CYP26B1: variants seen among roughly 807,000 people sequenced by gnomAD.
CYP26B1 encodes cytochrome P450 26B1.
In CYP26B1, 8 loss-of-function variants were observed where a neutral mutation model predicts 39.1. That is an observed-to-expected ratio of 0.20 (90% CI 0.12 to 0.37). The LOEUF is 0.37. Among genes scored for constraint, CYP26B1 ranks in the 10% least tolerant of loss-of-function variants. The pLI is 1.00. For missense variants in CYP26B1, 615 were observed against 707.0 expected, an observed-to-expected ratio of 0.87 and a Z score of 1.48; for synonymous variants, 321 against 314.3, an observed-to-expected ratio of 1.02 and a Z score of -0.23.
chr2:72,143,457 C>A (rs1291428071), intron 2 of CYP26B1, among the ~76,000 whole-genome samples: 1 of 141,700 alleles, frequency 7.1e-6, no homozygotes, highest in South Asian at 2.5e-4. Context: ...CAGACCCGTG[C>A]GCTCCGCTGC....
Position 72,144,205 on chromosome 2 carries a change from G to T in CYP26B1, c.213C>A (p.Gly71=). The change falls in exon 2 of 6, where the codon GGC becomes GGA. Residue 71 remains glycine, a synonymous_variant. Transcript: ENST00000001146. The part of the protein sequence containing the change: ...ETGHWLLQGS[G]FQSSRREKYG... ...ACTTCTCCCTCCGCGACGACTGGAA[G>T]CCAGAACCCTGCGGGAGCCACACCC... 7.5e-6 allele frequency: 12 copies of T among 1,590,432 alleles called. No individual in the cohort carries two copies. The highest frequency in any genetic ancestry group is 8.6e-6 in the Non-Finnish European group (10 of 1,163,042).
rs752316199 is a variant in CYP26B1 at position 72,132,305 on chromosome 2, G to A, written c.1461C>T (p.Ser487=). Residue 487 remains serine (S), a synonymous_variant, in exon 6 of 6, where the codon AGC becomes AGT. Transcript: ENST00000001146. ...TGGAGTCCAGGCCAAAGAACTTGAC[G>A]CTGAGGCCATCCACGGGGTGCAGGA... ...VPVLHPVDGL[S]VKFFGLDSNQ... is the part of the protein sequence containing the mutation. 3.7e-6 allele frequency: 6 copies of A among 1,607,354 alleles called. No homozygotes were observed. In the South Asian group the frequency reaches 4.5e-5, roughly 12 times the overall value.
intron 2 of CYP26B1, 150 bp from the exon 3 acceptor site, chr2:72,135,569 G>T (rs1341055494): frequency 1.1e-5 from 13 of 1,173,832 alleles, no homozygotes; most frequent in African/African-American, 1.5e-5. Flanking sequence ...CCAGCTGCCA[G>T]CAAGTCTTTG....
intron 1 of CYP26B1, 32 bp from the exon 2 acceptor site, chr2:72,144,245 G>A (rs747917303): frequency 1.9e-6 from 3 of 1,571,422 alleles, no homozygotes; most frequent in Non-Finnish European, 1.7e-6. Context: ...CTCTCTCAGG[G>A]TGCACTTCTG....
chr2:72,138,366 G>A (rs1329865132), intron 2 of CYP26B1, among the ~76,000 whole-genome samples: 2 of 152,144 alleles, frequency 1.3e-5, no homozygotes, highest in East Asian at 3.9e-4. Flanking sequence ...GGCGGCCAGG[G>A]CGGCGTCAGG....
At chr2:72,139,712 C>T (rs1177733992) in intron 2 of CYP26B1, among the ~76,000 whole-genome samples, 1 of 152,244 alleles carries the variant, frequency 6.6e-6, no homozygotes, top group East Asian at 1.9e-4. Context: ...ACCTCTGCTG[C>T]TTCCAGCCAC....
chr2:72,144,619 T>TCTC, intron 1 of CYP26B1: 1 of 439,258 alleles, frequency 2.3e-6, no homozygotes, highest in Non-Finnish European at 2.9e-6. Flanking sequence ...CCCCGCGGGG[T>TCTC]GGCCGCAGGC....
At position 72,131,875 on chromosome 2, in the gene CYP26B1, T is replaced by G; in HGVS notation, c.*352A>C. ...CGTCCCCCAACCCCAGCTAAAAGGG[T>G]CCGAAAGGAACGGAGGGAAGGGAGC... On this transcript the variant is annotated 3_prime_UTR_variant, in exon 6 of 6. Coordinates refer to ENST00000001146, the MANE Select transcript of CYP26B1 (RefSeq NM_019885.4). 3.9e-6 allele frequency: 1 copy of G among 258,694 alleles called. No homozygotes were observed. Among genetic ancestry groups the G allele is most frequent in the Non-Finnish European group, 7.5e-6 (1 of 133,924 alleles). The allele number at this position is 258,694 out of a possible 1,614,324, so 16.0% of individuals were successfully genotyped here.
chr2:72,136,911 T>G (rs901101448), intron 2 of CYP26B1, among the ~76,000 whole-genome samples: 1 of 152,102 alleles, frequency 6.6e-6, no homozygotes, highest in South Asian at 2.1e-4. Context: ...CCCTTACAGA[T>G]AGCAGAGAGC....
chr2:72,139,808 G>A (rs1301105197), intron 2 of CYP26B1, among the ~76,000 whole-genome samples: 2 of 152,230 alleles, frequency 1.3e-5, no homozygotes, highest in Non-Finnish European at 2.9e-5. Context: ...CCCACCAGAA[G>A]TCCTGAACTC....
At position 72,135,290 on chromosome 2, in the gene CYP26B1, TCTGCGCCTC is replaced by T. The variant is rs763648135; in HGVS notation, c.550_558del (p.Glu184_Gln186del). 1 of 1,614,084 alleles carries T rather than the reference TCTGCGCCTC, an allele frequency of 6.2e-7. No homozygotes were observed. The highest frequency in any genetic ancestry group is 2.2e-5 in the East Asian group (1 of 44,886). The stretch of plus-strand genomic sequence containing the variant: ...CGGATGGCCATGCGGAAGGTCAGCT[TCTGCGCCTC>T]CTGGTACACGTTGATGGCCTCGGGG... On this transcript the variant is annotated inframe_deletion, in exon 3 of 6. Coordinates refer to ENST00000001146, the MANE Select transcript of CYP26B1 (RefSeq NM_019885.4).
chr2:72,147,598 C>G lies in CYP26B1; in HGVS notation c.204+33G>C, dbSNP rs1490164536. The G allele has an allele frequency of 6.3e-7, 1 of 1,585,260 alleles. No individual in the cohort carries two copies. Among genetic ancestry groups the G allele is most frequent in the East Asian group, 2.4e-5 (1 of 42,470 alleles). On this transcript the variant is annotated intron_variant, in intron 1 of 5. Coordinates refer to ENST00000001146, the MANE Select transcript of CYP26B1 (RefSeq NM_019885.4). The surrounding 1 kb of genome is among the most constrained non-coding windows in gnomAD (Gnocchi z 6.1). ...CTGCCCCGCGCTCGCAGCTAGCGGA[C>G]CCCGGAGTGCAGCGGAGCGAGCGCG...
rs1485887852 is a variant in CYP26B1, at chr2:72,131,013, G to C, written c.*1214C>G. 1 of 152,822 alleles carries C rather than the reference G, an allele frequency of 6.5e-6. No homozygotes were observed. Among genetic ancestry groups the C allele is most frequent in the Admixed American group, 6.5e-5 (1 of 15,292 alleles). 9.5% of individuals were successfully genotyped at this position (152,822 alleles called of 1,614,324 possible). A position where few individuals can be genotyped will look rare whatever the true frequency, so the allele number is the denominator to read the frequency against. On this transcript the variant is annotated 3_prime_UTR_variant, in exon 6 of 6. Transcript: ENST00000001146. ...CACCTTTTTCAGGGCGGAGGGCAAA[G>C]GGGGAGAGTTAAGGAAGGGAAGACG...
Position 72,130,516 on chromosome 2 carries a change from G to A in CYP26B1, c.*1711C>T, listed in dbSNP as rs1676534721. The A allele has an allele frequency of 6.6e-6, 1 of 152,246 alleles. No individual in the cohort carries two copies. The highest frequency in any genetic ancestry group is 1.9e-4 in the East Asian group (1 of 5,188). The allele number at this position is 152,246 out of a possible 1,614,324, so 9.4% of individuals were successfully genotyped here. A position where few individuals can be genotyped will look rare whatever the true frequency, so the allele number is the denominator to read the frequency against. ...TGGGGCTGCCTACGGGATCTGGTCT[G>A]AGGGAGCCACTGAGGTGCTCACAGC... On this transcript the variant is annotated 3_prime_UTR_variant, in exon 6 of 6. Coordinates refer to ENST00000001146, the MANE Select transcript of CYP26B1 (RefSeq NM_019885.4).
rs374696021 is a variant in CYP26B1, at chr2:72,144,004, G to A, written c.414C>T (p.His138=). ...NTVSNSIGDI[H]RNKRKVFSKI... Reference sequence around the variant, plus strand: ...GAGTTCTTACCTTGCGCTTGTTGCGGTGGATGTCGCCAATGGAATTGGACA... The same window carrying A: ...GAGTTCTTACCTTGCGCTTGTTGCGATGGATGTCGCCAATGGAATTGGACA... Residue 138 remains histidine, a synonymous_variant, in exon 2 of 6, where the codon CAC becomes CAT. Coordinates refer to ENST00000001146, the MANE Select transcript of CYP26B1 (RefSeq NM_019885.4). The A allele has an allele frequency of 3.7e-6, 6 of 1,613,492 alleles. No homozygotes were observed. The highest frequency in any genetic ancestry group is 5.1e-6 in the Non-Finnish European group (6 of 1,180,034).
Position 72,134,774 on chromosome 2 carries a change from A to G in CYP26B1, c.848T>C (p.Met283Thr), listed in dbSNP as rs141708899. Reference protein sequence around the residue: ...SSKEHGKEMTMQELKDGTLEL... With the variant: ...SSKEHGKEMTTQELKDGTLEL... ...CGCCCACCCCACCTTCAGCTCCTGC[A>G]TGGTCATCTCCTTCCCGTGCTCCTT... is the stretch of plus-strand genomic sequence containing the variant. Residue 283 changes from methionine (M) to threonine (T), a missense_variant, in exon 4 of 6, where the codon ATG (methionine) becomes ACG (threonine). Coordinates refer to ENST00000001146, the MANE Select transcript of CYP26B1 (RefSeq NM_019885.4). The G allele has an allele frequency of 2.2e-5, 35 of 1,613,654 alleles. No homozygotes were observed. The highest frequency in any genetic ancestry group is 2.6e-5 in the Non-Finnish European group (31 of 1,179,820).
intron 2 of CYP26B1, among the ~76,000 whole-genome samples, chr2:72,136,544 AG>A (rs890978888): frequency 4.6e-5 from 7 of 152,152 alleles, no homozygotes; most frequent in African/African-American, 1.7e-4. Flanking sequence ...TTCCCGGTGG[AG>A]GGAAGGAGGG....
At chr2:72,144,477 G>T in intron 1 of CYP26B1, 1 of 1,275,468 alleles carries the variant, frequency 7.8e-7, no homozygotes, top group Non-Finnish European at 9.9e-7. Context: ...CTTTCGAGAG[G>T]AAAGAGGTAT....
At chr2:72,139,588 C>T (rs1676877944) in intron 2 of CYP26B1, among the ~76,000 whole-genome samples, 1 of 152,218 alleles carries the variant, frequency 6.6e-6, no homozygotes, top group South Asian at 2.1e-4. Flanking sequence ...CTCCCCACTG[C>T]CCTAACTCTT....
Sources: allele counts gnomAD v4.1 joint callset (sites outside exome capture counted in the v4.1 genomes callset), GRCh38; gene constraint gnomAD v4.1.1; non-coding constraint Gnocchi (gnomAD v3.1); transcripts MANE v1.5; gene names NCBI Gene and HGNC (gene_info 2026-07-23, HGNC 2026-07-21).